ATP5F1A: variants seen among roughly 807,000 people sequenced by gnomAD.
The protein encoded by ATP5F1A is ATP synthase F(1) complex subunit alpha, mitochondrial.
ATP5F1A carries 24 observed loss-of-function variants against 57.4 expected under a neutral mutation model. That is an observed-to-expected ratio of 0.42 (90% CI 0.30 to 0.59). The LOEUF (loss-of-function observed/expected upper bound fraction) is 0.59, where lower values mean the gene tolerates loss of function less well. Ranked by LOEUF, ATP5F1A falls within the 20% of genes least tolerant of loss-of-function variation. The probability of loss-of-function intolerance (pLI) is 0.19; values close to 1 mark genes in which losing one functional copy is unlikely to be tolerated. For missense variants in ATP5F1A, 494 were observed against 707.9 expected (o/e 0.70, Z 3.43); for synonymous variants, 251 against 255.5 (o/e 0.98, Z 0.17).
At chr18:46,099,644 G>T (rs549260158), upstream of ATP5F1A, among the ~76,000 whole-genome samples, 19 of 152,040 alleles carry the variant, frequency 1.2e-4, no homozygotes, top group East Asian at 1.9e-4. Flanking sequence ...GGCAGGGCGT[G>T]GGGGGAGGTC....
chr18:46,100,552 G>C (rs1298948287), upstream of ATP5F1A, among the ~76,000 whole-genome samples: 2 of 151,934 alleles, frequency 1.3e-5, no homozygotes, highest in Non-Finnish European at 2.9e-5. Context: ...TGGGAGTGCA[G>C]TGAGCTGTGA....
chr18:46,091,572 G>T, intron 3 of ATP5F1A, 110 bp downstream of exon 3: 2 of 1,206,560 alleles, frequency 1.7e-6, no homozygotes, highest in African/African-American at 1.5e-5. Context: ...AAAAATCTGA[G>T]GCAAATTAAG....
intron 5 of ATP5F1A, 34 bp from the exon 6 acceptor site, chr18:46,088,291 A>C (rs111615234): frequency 6.5e-7 from 1 of 1,539,286 alleles, no homozygotes; most frequent in South Asian, 1.3e-5. Context: ...AAATCTTCCT[A>C]AACTTAAAAG....
At chr18:46,099,978 C>T (rs1417131776), upstream of ATP5F1A, among the ~76,000 whole-genome samples, 1 of 152,054 alleles carries the variant, frequency 6.6e-6, no homozygotes, top group African/African-American at 2.4e-5. Context: ...AAGCCAGGCG[C>T]AGTGGCTCAC....
In ATP5F1A at chr18:46,089,820, T is replaced by C. The variant is rs1322890962; in HGVS notation, c.483+3A>G. ...AACTATATCTAACGAACATTAAACC[T>C]ACCTTTCCATCAATAGCATTACCAA... On this transcript the variant is annotated splice_donor_region_variant and intron_variant, in intron 4 of 11. Transcript: ENST00000398752. The C allele has an allele frequency of 6.2e-7, 1 of 1,610,208 alleles. No homozygotes were observed. Among genetic ancestry groups the C allele is most frequent in the South Asian group, 1.1e-5 (1 of 90,636 alleles).
chr18:46,103,599 A>G (rs1911355542), intron 1 of ATP5F1A, among the ~76,000 whole-genome samples: 2 of 114,496 alleles, frequency 1.7e-5, no homozygotes, highest in East Asian at 5.1e-4. Flanking sequence ...TGAACAACAG[A>G]GACTCCATCT....
At position 46,084,161 on chromosome 18, in the gene ATP5F1A, C is replaced by A. The variant is rs1264833056; in HGVS notation, c.*121G>T. The A allele has an allele frequency of 2.8e-5, 22 of 782,866 alleles. No homozygotes were observed. Among genetic ancestry groups the A allele is most frequent in the Non-Finnish European group, 4.3e-5 (22 of 511,508 alleles). The allele number at this position is 782,866 out of a possible 1,614,324, so 48.5% of individuals were successfully genotyped here. On this transcript the variant is annotated 3_prime_UTR_variant, in exon 12 of 12. Transcript: ENST00000398752. ...CAGAAAACAACTATGCATTATGGAA[C>A]CTTTATTTTTCATGTGATTTCTGTA... is the stretch of plus-strand genomic sequence containing the variant.
At chr18:46,097,414 C>T (rs1263661532) in intron 1 of ATP5F1A, among the ~76,000 whole-genome samples, 2 of 152,098 alleles carry the variant, frequency 1.3e-5, no homozygotes, top group Admixed American at 1.3e-4. Context: ...ATTTTCCAAC[C>T]TTGTTCTCTT....
Position 46,081,681 on chromosome 18 carries a change from A to AC in ATP5F1A, c.*2600_*2601insG, listed in dbSNP as rs1909753596. 9.6e-6 allele frequency: 1 copy of AC among 104,566 alleles called. No individual in the cohort carries two copies. Among genetic ancestry groups the AC allele is most frequent in the African/African-American group, 3.9e-5 (1 of 25,834 alleles). The allele number at this position is 104,566 out of a possible 1,614,324, so 6.5% of individuals were successfully genotyped here. ...CTCTCAAAAAAAAAAAACAAAAAAAAAAAAAAAAAAAAAAAACGAAATGTG... is the reference window on the plus strand; with the variant it reads ...CTCTCAAAAAAAAAAAACAAAAAAAACAAAAAAAAAAAAAAAACGAAATGTG... On this transcript the variant is annotated 3_prime_UTR_variant, in exon 12 of 12. Transcript: ENST00000398752.
intron 6 of ATP5F1A, 146 bp from the exon 7 acceptor site, chr18:46,087,638 G>A (rs963514498): frequency 2.1e-6 from 2 of 940,782 alleles, no homozygotes; most frequent in African/African-American, 3.3e-5. Context: ...CCAGCACTTT[G>A]GGAGGCCCTA....
chr18:46,095,030 T>A (rs1207453415), intron 2 of ATP5F1A, 23 bp downstream of exon 2: 15 of 1,605,484 alleles, frequency 9.3e-6, no homozygotes, highest in Non-Finnish European at 1.3e-5. Flanking sequence ...AAGTGCGGCG[T>A]AGACTGAGAA....
intron 6 of ATP5F1A, 32 bp from the exon 7 acceptor site, chr18:46,087,524 AT>A: frequency 6.2e-7 from 1 of 1,603,106 alleles, no homozygotes; most frequent in Non-Finnish European, 8.5e-7. Context: ...TTTTATCAAT[AT>A]TGTGGTTTTA....
At chr18:46,097,942 C>A in intron 1 of ATP5F1A, 1 of 1,283,738 alleles carries the variant, frequency 7.8e-7, no homozygotes, top group Non-Finnish European at 9.9e-7. Flanking sequence ...GAGGCCCTGT[C>A]TCTGGACACC....
Position 46,098,224 on chromosome 18 carries a change from G to A in ATP5F1A, c.8C>T (p.Ser3Phe), listed in dbSNP as rs1369297250. 5 of 1,606,792 alleles carry A rather than the reference G, an allele frequency of 3.1e-6. No homozygotes were observed. The highest frequency in any genetic ancestry group is 4.2e-6 in the Non-Finnish European group (5 of 1,179,118). ...GACCACGGCCGCAGCAACGCGCACG[G>A]ACAGCATCTTTGCAGTTACTCCGCA... MLSVRVAAAVVRA... is the reference protein window; with the variant it reads MLFVRVAAAVVRA... The change falls in exon 1 of 12, where the codon TCC becomes TTC. Residue 3 changes from serine to phenylalanine, a missense_variant. Physicochemically the swap from Ser to Phe is radical, Grantham distance 155. Coordinates refer to ENST00000398752, the MANE Select transcript of ATP5F1A (RefSeq NM_004046.6).
chr18:46,101,563 G>A (rs1404387822), upstream of ATP5F1A, among the ~76,000 whole-genome samples: 5 of 151,164 alleles, frequency 3.3e-5, no homozygotes, highest in African/African-American at 7.3e-5. Flanking sequence ...TTCAGTATGC[G>A]CGACAGGAGT....
chr18:46,092,950 C>T (rs1252620937), intron 2 of ATP5F1A, among the ~76,000 whole-genome samples: 1 of 151,842 alleles, frequency 6.6e-6, no homozygotes, highest in African/African-American at 2.4e-5. Flanking sequence ...GAGTTCGAGA[C>T]CAGCCTGGGC....
At chr18:46,098,324 C>A, upstream of ATP5F1A, 1 of 1,457,470 alleles carries the variant, frequency 6.9e-7, no homozygotes, top group Non-Finnish European at 9.1e-7. Context: ...GTCAAGACAG[C>A]CGGCCCACCT....
intron 3 of ATP5F1A, among the ~76,000 whole-genome samples, chr18:46,090,405 T>A (rs925436572): frequency 1.3e-5 from 2 of 152,228 alleles, no homozygotes; most frequent in Non-Finnish European, 2.9e-5. Flanking sequence ...TATTTATGTG[T>A]GAGAAGCTCC....
upstream of ATP5F1A, among the ~76,000 whole-genome samples, chr18:46,102,827 A>G (rs1911319278): frequency 1.3e-5 from 2 of 152,184 alleles, no homozygotes; most frequent in Admixed American, 1.3e-4. Flanking sequence ...GCACGCCTAT[A>G]GTCCCAGCTA....
Sources: gnomAD v4.1 joint callset for allele counts (sites outside exome capture counted in the v4.1 genomes callset) on GRCh38, gnomAD v4.1.1 for gene constraint, MANE v1.5 for transcripts, NCBI Gene and HGNC (gene_info 2026-07-23, HGNC 2026-07-21) for gene names.